Variants in STAC observed in about 807,000 individuals in gnomAD.
STAC encodes the protein SH3 and cysteine-rich domain-containing protein.
In STAC, 43 loss-of-function variants were observed where a neutral mutation model predicts 48.8. That is an observed-to-expected ratio of 0.88 (90% CI 0.69 to 1.14). The LOEUF (loss-of-function observed/expected upper bound fraction) is 1.14. STAC is among the 50% of genes most tolerant of loss of function. The probability of loss-of-function intolerance (pLI) is 0.00; values close to 1 mark genes in which losing one functional copy is unlikely to be tolerated. For synonymous variants in STAC, 193 were observed against 179.5 expected, an observed-to-expected ratio of 1.07 and a Z score of -0.60; for missense variants, 497 against 504.0, an observed-to-expected ratio of 0.99 and a Z score of 0.13.
chr3:36,388,081 T>C (rs758470368), intron 1 of STAC, among the ~76,000 whole-genome samples: 7 of 152,120 alleles, frequency 4.6e-5, no homozygotes, highest in Non-Finnish European at 7.4e-5. Context: ...TATGTGCTTA[T>C]AGGTTATTTG....
chr3:36,446,950 A>G (rs1310974184), intron 2 of STAC, among the ~76,000 whole-genome samples: 1 of 152,184 alleles, frequency 6.6e-6, no homozygotes, highest in African/African-American at 2.4e-5. Context: ...AATAATAATG[A>G]CAATGTCTTA....
At chr3:36,509,475 T>G (rs1698483482) in intron 8 of STAC, among the ~76,000 whole-genome samples, 1 of 152,226 alleles carries the variant, frequency 6.6e-6, no homozygotes, top group African/African-American at 2.4e-5. Flanking sequence ...GAAGTTCTCC[T>G]GGATAATACC....
At chr3:36,424,109 A>G (rs957267598) in intron 1 of STAC, among the ~76,000 whole-genome samples, 4 of 152,148 alleles carry the variant, frequency 2.6e-5, no homozygotes, top group Admixed American at 2.0e-4. Flanking sequence ...CATGTAGCTG[A>G]TAAGTATTTG....
intron 2 of STAC, among the ~76,000 whole-genome samples, chr3:36,462,261 G>A (rs73824589): frequency 0.031 from 4,727 of 152,116 alleles, 220 homozygotes; most frequent in African/African-American, 0.11. Flanking sequence ...TTTGGAGTAC[G>A]TGAAGTTGTG....
Position 36,384,925 on chromosome 3 carries a change from T to C in STAC, c.111+4171T>C, listed in dbSNP as rs116307930. ...AATTATTTATTGAGTGCCTACTTTG[T>C]GCCCAGCATATCTCATACATATATG... On this transcript the variant is annotated intron_variant, in intron 1 of 10. Transcript: ENST00000273183. 9.3e-3 allele frequency among the ~76,000 whole-genome samples: 1,411 copies of C among 152,302 alleles called. 11 individuals are homozygous for C. The highest frequency in any genetic ancestry group is 0.027 in the Middle Eastern group (8 of 294).
chr3:36,395,289 A>C (rs919887986), intron 1 of STAC, among the ~76,000 whole-genome samples: 53 of 152,366 alleles, frequency 3.5e-4, no homozygotes, highest in African/African-American at 1.3e-3. Flanking sequence ...AAGAGAAGTC[A>C]CTAAGGTTGT....
At chr3:36,386,860 T>C (rs1266844855) in intron 1 of STAC, among the ~76,000 whole-genome samples, 3 of 152,150 alleles carry the variant, frequency 2.0e-5, no homozygotes, top group African/African-American at 7.2e-5. Flanking sequence ...GAGTTATTTT[T>C]GATTCCTTGC....
Position 36,483,015 on chromosome 3 carries a change from C to G in STAC, c.412C>G (p.Arg138Gly), listed in dbSNP as rs768923739. The part of the protein sequence containing the change: ...IVGTNAKHGL[R>G]CKACKMSIHH... ...AGGAACAAATGCTAAGCATGGACTGCGCTGCAAAGCCTGTAAGATGAGCAT... is the reference window on the plus strand; with the variant it reads ...AGGAACAAATGCTAAGCATGGACTGGGCTGCAAAGCCTGTAAGATGAGCAT... Residue 138 changes from arginine (R) to glycine (G), a missense_variant, in exon 3 of 11, where the codon CGC (arginine) becomes GGC (glycine). By Grantham distance (125) the Arg-to-Gly change is moderately radical. Transcript: ENST00000273183. The G allele has an allele frequency of 2.0e-5, 33 of 1,613,900 alleles. No homozygotes were observed. The highest frequency in any genetic ancestry group is 3.3e-5 in the Admixed American group (2 of 60,000).
At chr3:36,429,831 CTTA>C (rs201879400) in intron 1 of STAC, among the ~76,000 whole-genome samples, 3,532 of 152,292 alleles carry the variant, frequency 0.023, 59 homozygotes, top group Non-Finnish European at 0.026. Context: ...TTGAATCTAG[CTTA>C]CCCTGCCTGA....
At chr3:36,487,655 T>A (rs1191869372) in intron 5 of STAC, among the ~76,000 whole-genome samples, 1 of 152,178 alleles carries the variant, frequency 6.6e-6, no homozygotes, top group Non-Finnish European at 1.5e-5. Context: ...TTACCATTTT[T>A]AAAAAAATAC....
intron 8 of STAC, among the ~76,000 whole-genome samples, chr3:36,506,715 T>C (rs966654220): frequency 6.6e-6 from 1 of 152,204 alleles, no homozygotes; most frequent in African/African-American, 2.4e-5. Flanking sequence ...TTATTCATGA[T>C]TTGGCTCTCT....
intron 8 of STAC, among the ~76,000 whole-genome samples, chr3:36,521,771 C>A (rs1164839643): frequency 6.6e-6 from 1 of 152,002 alleles, no homozygotes; most frequent in African/African-American, 2.4e-5. Flanking sequence ...AATTTTAAGC[C>A]CTACTGTATA....
At chr3:36,511,136 G>A (rs748604863) in intron 8 of STAC, among the ~76,000 whole-genome samples, 5 of 151,326 alleles carry the variant, frequency 3.3e-5, no homozygotes, top group Non-Finnish European at 7.4e-5. Flanking sequence ...ACAGCTTGAG[G>A]TTCCTCGTGT....
chr3:36,448,047 TA>T (rs1435447451), intron 2 of STAC, among the ~76,000 whole-genome samples: 1 of 152,166 alleles, frequency 6.6e-6, no homozygotes, highest in Non-Finnish European at 1.5e-5. Flanking sequence ...ACTTTACTAC[TA>T]CAGGACAAAA....
At chr3:36,523,580 A>G (rs1012311663) in intron 8 of STAC, among the ~76,000 whole-genome samples, 1 of 152,242 alleles carries the variant, frequency 6.6e-6, no homozygotes, top group Admixed American at 6.5e-5. Flanking sequence ...TATCAAGAAC[A>G]TAAAGTCTCC....
chr3:36,453,131 T>C (rs1380128995), intron 2 of STAC, among the ~76,000 whole-genome samples: 1 of 152,260 alleles, frequency 6.6e-6, no homozygotes, highest in Non-Finnish European at 1.5e-5. Context: ...CTACCACATA[T>C]TTCTCTAAAT....
chr3:36,428,847 T>C (rs1559487513), intron 1 of STAC, among the ~76,000 whole-genome samples: 1 of 152,200 alleles, frequency 6.6e-6, no homozygotes, highest in African/African-American at 2.4e-5. Context: ...AGAGAAACTA[T>C]GCTAAGGTTT....
In STAC at chr3:36,411,617, C is replaced by T. The variant is rs565528285; in HGVS notation, c.111+30863C>T. On this transcript the variant is annotated intron_variant, in intron 1 of 10. Coordinates refer to ENST00000273183, the MANE Select transcript of STAC (RefSeq NM_003149.3). The stretch of plus-strand genomic sequence containing the variant: ...TGCACCATAGGAATTAAGACCATAG[C>T]ATCTAAGCCCAGGAGAGACTGTTCT... Among the ~76,000 whole-genome samples the T allele has an allele frequency of 9.8e-5, 15 of 152,304 alleles. No individual in the cohort carries two copies. In the East Asian group the frequency reaches 2.7e-3, roughly 27 times the overall value.
chr3:36,545,385 T>C (rs1385737410), intron 10 of STAC, among the ~76,000 whole-genome samples: 1 of 152,158 alleles, frequency 6.6e-6, no homozygotes, highest in East Asian at 1.9e-4. Flanking sequence ...CATCCCTCAC[T>C]TCCCACCTCC....
Sources: gnomAD v4.1 joint callset for allele counts (sites outside exome capture counted in the v4.1 genomes callset) on GRCh38, gnomAD v4.1.1 for gene constraint, MANE v1.5 for transcripts, NCBI Gene and HGNC (gene_info 2026-07-23, HGNC 2026-07-21) for gene names.